The following TULP4 variants were observed in gnomAD, a reference collection of about 807,000 sequenced individuals.
The protein encoded by TULP4 is TUB like protein 4.
TULP4 carries 16 observed loss-of-function variants against 129.0 expected under a neutral mutation model. That is an observed-to-expected ratio of 0.12 (90% CI 0.08 to 0.19). TULP4 has a LOEUF of 0.19. Among genes scored for constraint, TULP4 ranks in the 10% least tolerant of loss-of-function variants. TULP4 has a pLI of 1.00. For missense variants in TULP4, 1,842 were observed against 2,059.1 expected (o/e 0.89, Z 2.04); for synonymous variants, 998 against 854.0 (o/e 1.17, Z -2.94).
intron 5 of TULP4, among the ~76,000 whole-genome samples, chr6:158,452,810 A>G (rs1191656601): frequency 6.6e-6 from 1 of 152,260 alleles, no homozygotes; most frequent in Non-Finnish European, 1.5e-5. Flanking sequence ...CCTGATAGAT[A>G]TTATGAGTGT....
rs1395153222 is a variant in TULP4 at position 158,503,908 on chromosome 6, C to T, written c.4245C>T (p.Ser1415=). 4.3e-6 allele frequency: 7 copies of T among 1,614,024 alleles called. No individual in the cohort carries two copies. The highest frequency in any genetic ancestry group is 3.3e-5 in the South Asian group (3 of 91,080). ...SSESEPELFI[S]GDELMNQSQG... ...AGAGCGAGCCTGAGCTGTTCATCAG[C>T]GGGGATGAGCTCATGAACCAGAGCC... is the stretch of plus-strand genomic sequence containing the variant. Residue 1415 remains serine, a synonymous_variant, in exon 13 of 14, where the codon AGC becomes AGT. Transcript: ENST00000367097. The surrounding 1 kb of genome is among the most constrained non-coding windows in gnomAD (Gnocchi z 4.3).
intron 1 of TULP4, among the ~76,000 whole-genome samples, chr6:158,394,269 C>T (rs753357066): frequency 2.1e-4 from 32 of 152,276 alleles, no homozygotes; most frequent in Middle Eastern, 3.4e-3. Context: ...ATTTTATTGT[C>T]GGTATCACTA....
chr6:158,411,982 G>A (rs1778109911), intron 1 of TULP4, among the ~76,000 whole-genome samples: 1 of 152,170 alleles, frequency 6.6e-6, no homozygotes, highest in African/African-American at 2.4e-5. Context: ...ACAAAATGCT[G>A]GGAGTAGACA....
intron 1 of TULP4, among the ~76,000 whole-genome samples, chr6:158,266,057 C>T (rs747281273): frequency 6.6e-6 from 1 of 152,138 alleles, no homozygotes; most frequent in African/African-American, 2.4e-5. Context: ...GAAAATCACC[C>T]CTAGCTTCCA....
At chr6:158,430,257 C>T (rs1231908997) in intron 3 of TULP4, among the ~76,000 whole-genome samples, 5 of 151,842 alleles carry the variant, frequency 3.3e-5, no homozygotes, top group South Asian at 4.2e-4. Flanking sequence ...ATTGCTACAT[C>T]GTAAGACAAC....
intron 5 of TULP4, 123 bp from the exon 6 acceptor site, chr6:158,461,440 A>C: frequency 1.1e-6 from 1 of 878,006 alleles, no homozygotes; most frequent in Non-Finnish European, 1.7e-6. Flanking sequence ...AAAAACCATG[A>C]ATATATTTTT....
At chr6:158,378,485 T>TTTTTTC (rs1554285635) in intron 1 of TULP4, among the ~76,000 whole-genome samples, 2 of 51,412 alleles carry the variant, frequency 3.9e-5, no homozygotes, top group East Asian at 9.8e-4. Context: ...TTTTTTTTTT[T>TTTTTTC]GGTGGGGGTG....
chr6:158,509,284 T>C lies in TULP4; in HGVS notation c.*2590T>C, dbSNP rs1465272561. 6.6e-6 allele frequency: 1 copy of C among 152,070 alleles called. No homozygotes were observed. Among genetic ancestry groups the C allele is most frequent in the African/African-American group, 2.4e-5 (1 of 41,444 alleles). 9.4% of individuals were successfully genotyped at this position (152,070 alleles called of 1,614,324 possible). Reference sequence around the variant, plus strand: ...AAATTTTTTTTTGTATTTTGTGTTATTGATTATATACAAAGGAGACTTTTT... The same window carrying C: ...AAATTTTTTTTTGTATTTTGTGTTACTGATTATATACAAAGGAGACTTTTT... On this transcript the variant is annotated 3_prime_UTR_variant, in exon 14 of 14. Transcript: ENST00000367097.
intron 11 of TULP4, among the ~76,000 whole-genome samples, 193 bp from the exon 12 acceptor site, chr6:158,498,476 C>A (rs1476338580): frequency 6.6e-6 from 1 of 152,200 alleles, no homozygotes; most frequent in Non-Finnish European, 1.5e-5. Flanking sequence ...GAATCCAGAA[C>A]TGTGGCTAGT....
intron 3 of TULP4, among the ~76,000 whole-genome samples, chr6:158,448,707 C>T (rs1264758059): frequency 1.3e-5 from 2 of 152,142 alleles, no homozygotes; most frequent in Non-Finnish European, 2.9e-5. Context: ...AGCAAAACCC[C>T]TGCAAATAGT....
At chr6:158,367,480 G>A (rs1329317149) in intron 1 of TULP4, among the ~76,000 whole-genome samples, 1 of 152,166 alleles carries the variant, frequency 6.6e-6, no homozygotes, top group Non-Finnish European at 1.5e-5. Context: ...AAATAACTTA[G>A]TAAAGAAGCA....
In TULP4 at chr6:158,457,416, G is replaced by A. The variant is rs1779316338; in HGVS notation, c.860-4147G>A. 2.6e-5 allele frequency among the ~76,000 whole-genome samples: 4 copies of A among 152,154 alleles called. No homozygotes were observed. The South Asian group carries it at 8.3e-4, about 32-fold the overall frequency. ...GCTCAAAGGCCGGGTTCTGGGGAGG[G>A]TTAGGCTCTGATTTTGCTTGGCCGT... On this transcript the variant is annotated intron_variant, in intron 5 of 13. Coordinates refer to ENST00000367097, the MANE Select transcript of TULP4 (RefSeq NM_020245.5).
chr6:158,238,069 T>C (rs947379415), intron 1 of TULP4: 1 of 704,284 alleles, frequency 1.4e-6, no homozygotes, highest in African/African-American at 1.8e-5. Flanking sequence ...AGTGGTACTA[T>C]TAAATCTTCT....
chr6:158,455,702 A>C (rs906759102), intron 5 of TULP4, among the ~76,000 whole-genome samples: 1 of 150,828 alleles, frequency 6.6e-6, no homozygotes, highest in Non-Finnish European at 1.5e-5. Flanking sequence ...GCGCCATTGC[A>C]CTCTAGCCTG....
At chr6:158,417,754 A>G (rs1778242716) in intron 2 of TULP4, among the ~76,000 whole-genome samples, 1 of 152,250 alleles carries the variant, frequency 6.6e-6, no homozygotes, top group Non-Finnish European at 1.5e-5. Flanking sequence ...TTTTCATTAT[A>G]TAGCATGCTT....
At chr6:158,281,092 GT>G (rs1778741890), upstream of TULP4, among the ~76,000 whole-genome samples, 1 of 152,230 alleles carries the variant, frequency 6.6e-6, no homozygotes, top group Non-Finnish European at 1.5e-5. Flanking sequence ...CTTTGTGGGT[GT>G]TATCGGAGGG....
In TULP4 at chr6:158,337,128, C is replaced by CTTTT. The variant is rs34480077; in HGVS notation, c.252+22879_252+22882dup. ...TTTTTCTCTCTCTCTCTTTCTTTCT[C>CTTTT]TTTTTTTTTTTTTTTTTTTTTTGAG... On this transcript the variant is annotated intron_variant, in intron 1 of 13. Coordinates refer to ENST00000367097, the MANE Select transcript of TULP4 (RefSeq NM_020245.5). Among the ~76,000 whole-genome samples the CTTTT allele has an allele frequency of 4.1e-3, 302 of 73,846 alleles. 55 individuals are homozygous for CTTTT. Among genetic ancestry groups the CTTTT allele is most frequent in the African/African-American group, 6.4e-3 (109 of 17,120 alleles). The allele number at this position is 73,846 out of a possible 152,430, so 48.4% of individuals were successfully genotyped here. A position where few individuals can be genotyped will look rare whatever the true frequency, so the allele number is the denominator to read the frequency against.
At chr6:158,260,045 C>T (rs1046432701) in intron 1 of TULP4, among the ~76,000 whole-genome samples, 1 of 152,180 alleles carries the variant, frequency 6.6e-6, no homozygotes, top group South Asian at 2.1e-4. Context: ...GCTCAGTCTC[C>T]AGCCCCTCTT....
chr6:158,294,433 A>C (rs1484928553), intron 1 of TULP4, among the ~76,000 whole-genome samples: 1 of 152,126 alleles, frequency 6.6e-6, no homozygotes, highest in Non-Finnish European at 1.5e-5. Flanking sequence ...AGAAATGCAG[A>C]GTTCAGGACC....
Sources: gnomAD v4.1 joint callset for allele counts (sites outside exome capture counted in the v4.1 genomes callset) on GRCh38, gnomAD v4.1.1 for gene constraint, Gnocchi (gnomAD v3.1) non-coding constraint, MANE v1.5 for transcripts, NCBI Gene and HGNC (gene_info 2026-07-23, HGNC 2026-07-21) for gene names.